Variants in GRIK3 observed in about 807,000 individuals in gnomAD.
GRIK3 encodes glutamate receptor ionotropic, kainate 3.
A neutral mutation model predicts 102.5 loss-of-function variants in GRIK3; 29 were observed. That is an observed-to-expected ratio of 0.28 (90% CI 0.21 to 0.39). The LOEUF is 0.39. GRIK3 is among the 10% of genes least tolerant of loss of function. The pLI is 1.00. For missense variants in GRIK3, 908 were observed against 1,252.4 expected (o/e 0.73, Z 4.15); for synonymous variants, 511 against 504.9 (o/e 1.01, Z -0.16).
chr1:36,904,849 G>A (rs516892), intron 1 of GRIK3, among the ~76,000 whole-genome samples: 135,784 of 152,236 alleles, frequency 0.89, 60,777 homozygotes, highest in East Asian at 0.99. Context: ...TACTCTCTCT[G>A]TGTGTGTATG....
Position 36,953,944 on chromosome 1 carries a change from G to A in GRIK3, c.116-62848C>T, listed in dbSNP as rs550613980. Among the ~76,000 whole-genome samples the A allele has an allele frequency of 3.3e-5, 5 of 152,298 alleles. No homozygotes were observed. The East Asian group carries it at 9.7e-4, about 29-fold the overall frequency. On this transcript the variant is annotated intron_variant, in intron 1 of 15. Coordinates refer to ENST00000373091, the MANE Select transcript of GRIK3 (RefSeq NM_000831.4). ...ACAATTAGAGGGCAGAGGACCCCCAGCCCCTGTCTCCCAAGGGTACTGCCC... is the reference window on the plus strand; with the variant it reads ...ACAATTAGAGGGCAGAGGACCCCCAACCCCTGTCTCCCAAGGGTACTGCCC...
chr1:36,824,012 C>T (rs573877196), intron 11 of GRIK3, among the ~76,000 whole-genome samples: 1 of 152,214 alleles, frequency 6.6e-6, no homozygotes, highest in South Asian at 2.1e-4. Context: ...CAAGTGCACT[C>T]TGATGCTCTT....
At chr1:36,964,337 C>T (rs1642058011) in intron 1 of GRIK3, among the ~76,000 whole-genome samples, 1 of 152,224 alleles carries the variant, frequency 6.6e-6, no homozygotes. Flanking sequence ...CTGGCAGCTT[C>T]ATCTACTGCA....
intron 2 of GRIK3, among the ~76,000 whole-genome samples, chr1:36,890,700 T>C (rs1262778395): frequency 6.6e-6 from 1 of 152,164 alleles, no homozygotes; most frequent in African/African-American, 2.4e-5. Context: ...ATTGTGCAGA[T>C]GAGAAAATTG....
chr1:36,811,298 A>T (rs1557688942), intron 13 of GRIK3, among the ~76,000 whole-genome samples: 1 of 152,000 alleles, frequency 6.6e-6, no homozygotes, highest in Non-Finnish European at 1.5e-5. Context: ...AGGGGTAAAA[A>T]CTCAAATGCT....
At chr1:36,834,276 C>T (rs1462826182) in intron 10 of GRIK3, among the ~76,000 whole-genome samples, 5 of 152,024 alleles carry the variant, frequency 3.3e-5, no homozygotes, top group Non-Finnish European at 5.9e-5. Context: ...AAAGAGATCC[C>T]CCAGCAAGCG....
At chr1:36,895,952 A>G (rs1430681700) in intron 1 of GRIK3, among the ~76,000 whole-genome samples, 1 of 152,210 alleles carries the variant, frequency 6.6e-6, no homozygotes. Context: ...AAACCATGCA[A>G]GCAAGAAGAG....
chr1:36,951,131 G>T (rs1641839249), intron 1 of GRIK3, among the ~76,000 whole-genome samples: 1 of 152,228 alleles, frequency 6.6e-6, no homozygotes, highest in South Asian at 2.1e-4. Context: ...GGGCCAGGAG[G>T]CCAAGCTGTT....
chr1:36,955,167 C>T (rs115660664), intron 1 of GRIK3, among the ~76,000 whole-genome samples: 2,782 of 152,302 alleles, frequency 0.018, 88 homozygotes, highest in African/African-American at 0.064. Context: ...ATGAGCAGCC[C>T]GCCAGCCAGC....
chr1:36,937,730 T>C (rs1641675377), intron 1 of GRIK3, among the ~76,000 whole-genome samples: 1 of 152,188 alleles, frequency 6.6e-6, no homozygotes, highest in Non-Finnish European at 1.5e-5. Flanking sequence ...GAAACAGCCA[T>C]TCCAATTGCG....
At chr1:36,940,756 C>T (rs1401246400) in intron 1 of GRIK3, among the ~76,000 whole-genome samples, 2 of 152,190 alleles carry the variant, frequency 1.3e-5, no homozygotes, top group Non-Finnish European at 2.9e-5. Context: ...TTAATCTTCG[C>T]CCCTTGCAAA....
intron 9 of GRIK3, among the ~76,000 whole-genome samples, chr1:36,843,331 C>T (rs1262124485): frequency 6.6e-6 from 1 of 152,170 alleles, no homozygotes; most frequent in Non-Finnish European, 1.5e-5. Context: ...CCAGAAAATT[C>T]AACACAATTG....
At chr1:36,906,206 G>GT (rs1641283025) in intron 1 of GRIK3, among the ~76,000 whole-genome samples, 1 of 152,204 alleles carries the variant, frequency 6.6e-6, no homozygotes, top group African/African-American at 2.4e-5. Context: ...TAGCACATGT[G>GT]TGGTGCTCCA....
At chr1:37,031,275 C>T (rs998744768) in intron 1 of GRIK3, among the ~76,000 whole-genome samples, 5 of 152,214 alleles carry the variant, frequency 3.3e-5, no homozygotes, top group African/African-American at 9.7e-5. Context: ...CAATCATTCT[C>T]TCTCCCTTGC....
intron 1 of GRIK3, among the ~76,000 whole-genome samples, chr1:36,998,412 A>C (rs1166938244): frequency 6.6e-6 from 1 of 151,966 alleles, no homozygotes; most frequent in East Asian, 1.9e-4. Flanking sequence ...AAGACTGTGG[A>C]CTCCACAAGA....
chr1:36,939,710 ACACCAC>A, intron 1 of GRIK3, among the ~76,000 whole-genome samples: 1 of 152,248 alleles, frequency 6.6e-6, no homozygotes, highest in South Asian at 2.1e-4. Context: ...GCCCCTCCAA[ACACCAC>A]TCCAAACCTC....
intron 1 of GRIK3, among the ~76,000 whole-genome samples, chr1:37,011,264 C>T (rs1024356486): frequency 6.6e-6 from 1 of 152,174 alleles, no homozygotes; most frequent in Non-Finnish European, 1.5e-5. Flanking sequence ...CGGTTCTTGT[C>T]TTGTAACATT....
At chr1:37,027,749 C>A (rs1479936667) in intron 1 of GRIK3, among the ~76,000 whole-genome samples, 1 of 152,170 alleles carries the variant, frequency 6.6e-6, no homozygotes, top group Non-Finnish European at 1.5e-5. Context: ...AAATCTGTCA[C>A]CTTTGTAGTG....
intron 2 of GRIK3, 65 bp downstream of exon 2, chr1:36,890,855 C>T: frequency 2.3e-6 from 3 of 1,311,504 alleles, no homozygotes; most frequent in Non-Finnish European, 3.2e-6. Context: ...GGATCTTGGA[C>T]AGCAAATGCA....
Sources: gnomAD v4.1 joint callset for allele counts (sites outside exome capture counted in the v4.1 genomes callset) on GRCh38, gnomAD v4.1.1 for gene constraint, MANE v1.5 for transcripts, NCBI Gene and HGNC (gene_info 2026-07-23, HGNC 2026-07-21) for gene names.